The following METTL8 variants were observed in gnomAD, a reference collection of about 807,000 sequenced individuals.
METTL8 encodes the protein tRNA N(3)-cytidine methyltransferase METTL8, mitochondrial.
A neutral mutation model predicts 48.7 loss-of-function variants in METTL8; 32 were observed. The observed-to-expected ratio is 0.66, with a 90% CI of 0.50 to 0.88. The LOEUF (loss-of-function observed/expected upper bound fraction) is 0.88, where lower values mean the gene tolerates loss of function less well. Ranked by LOEUF, METTL8 falls within the 40% of genes least tolerant of loss-of-function variation. METTL8 has a pLI of 0.00. For missense variants in METTL8, 464 were observed against 474.4 expected, an observed-to-expected ratio of 0.98 and a Z score of 0.20; for synonymous variants, 136 against 157.1, an observed-to-expected ratio of 0.87 and a Z score of 1.01.
chr2:171,411,212 T>A (rs922668291), intron 1 of METTL8, among the ~76,000 whole-genome samples: 1 of 152,230 alleles, frequency 6.6e-6, no homozygotes, highest in Non-Finnish European at 1.5e-5. Context: ...TGTAAAAATA[T>A]AAATTCTCAC....
intron 5 of METTL8, among the ~76,000 whole-genome samples, chr2:171,336,516 C>T (rs951963366): frequency 6.6e-6 from 1 of 151,322 alleles, no homozygotes; most frequent in East Asian, 1.9e-4. Context: ...ATTCTCCTGC[C>T]TCAGCCTCCC....
chr2:171,340,364 T>C (rs911977354), intron 3 of METTL8, among the ~76,000 whole-genome samples: 1 of 151,278 alleles, frequency 6.6e-6, no homozygotes, highest in Non-Finnish European at 1.5e-5. Context: ...TAGCTGGGTG[T>C]GGTGGCAGAC....
Position 171,377,436 on chromosome 2 carries a change from C to T in METTL8, c.143+14607G>A, listed in dbSNP as rs1314668699. Among the ~76,000 whole-genome samples the T allele has an allele frequency of 2.0e-5, 3 of 152,228 alleles. No homozygotes were observed. In the East Asian group the frequency reaches 5.8e-4, roughly 29 times the overall value. ...TCTGCAAAGCAAAAGAAATAATCAG[C>T]AGAGTAAACAGACAACCCACAGAGT... On this transcript the variant is annotated intron_variant, in intron 2 of 9. Coordinates refer to ENST00000375258, the MANE Select transcript of METTL8 (RefSeq NM_001321154.2).
At chr2:171,350,912 T>C (rs1333398829) in intron 3 of METTL8, among the ~76,000 whole-genome samples, 1 of 152,210 alleles carries the variant, frequency 6.6e-6, no homozygotes, top group African/African-American at 2.4e-5. Context: ...ATTCTGTAGG[T>C]TGCCTGTTCA....
At chr2:171,341,753 ATATAACAGTGTC>A (rs1245441493) in intron 3 of METTL8, among the ~76,000 whole-genome samples, 1 of 152,090 alleles carries the variant, frequency 6.6e-6, no homozygotes, top group Non-Finnish European at 1.5e-5. Flanking sequence ...AAAGCAAGGT[ATATAACAGTGTC>A]TATATTCTGT....
intron 3 of METTL8, among the ~76,000 whole-genome samples, chr2:171,358,325 T>G (rs1170740530): frequency 1.4e-5 from 2 of 143,460 alleles, no homozygotes; most frequent in Non-Finnish European, 3.0e-5. Context: ...CACTCCAGCC[T>G]GGGCAACAGA....
At chr2:171,365,037 G>A (rs1685574520) in intron 2 of METTL8, among the ~76,000 whole-genome samples, 1 of 152,094 alleles carries the variant, frequency 6.6e-6, no homozygotes, top group Non-Finnish European at 1.5e-5. Context: ...ACAAAGTGTG[G>A]GGAAGAGAGT....
At chr2:171,342,172 T>G (rs1686844388) in intron 3 of METTL8, among the ~76,000 whole-genome samples, 1 of 152,244 alleles carries the variant, frequency 6.6e-6, no homozygotes, top group South Asian at 2.1e-4. Context: ...TTCTTTCCAA[T>G]TTTATCTTTA....
chr2:171,434,632 G>T (rs867160323), upstream of METTL8: 1 of 1,533,012 alleles, frequency 6.5e-7, no homozygotes, highest in South Asian at 1.2e-5. Flanking sequence ...CCGGGCGCTG[G>T]GCTGCTTCTC....
intron 5 of METTL8, among the ~76,000 whole-genome samples, chr2:171,336,524 C>T (rs1400484606): frequency 6.6e-6 from 1 of 151,616 alleles, no homozygotes; most frequent in African/African-American, 2.4e-5. Flanking sequence ...GCCTCAGCCT[C>T]CCGAGTAGCT....
intron 2 of METTL8, among the ~76,000 whole-genome samples, chr2:171,369,870 A>C (rs1686127152): frequency 1.3e-5 from 2 of 152,186 alleles, no homozygotes; most frequent in Non-Finnish European, 2.9e-5. Flanking sequence ...GTTCAAGACC[A>C]GTCTGACCAA....
intron 2 of METTL8, among the ~76,000 whole-genome samples, chr2:171,386,853 G>A (rs1242436544): frequency 6.6e-6 from 1 of 152,074 alleles, no homozygotes; most frequent in African/African-American, 2.4e-5. Flanking sequence ...GACCCCAGCA[G>A]GCAGACACAC....
chr2:171,375,379 A>C (rs1294766737), intron 2 of METTL8: 2 of 624,212 alleles, frequency 3.2e-6, no homozygotes, highest in Non-Finnish European at 5.7e-6. Flanking sequence ...CAAACAAATA[A>C]ACTGCCAAGT....
chr2:171,392,293 G>T, intron 1 of METTL8, 96 bp from the exon 2 acceptor site: 1 of 947,568 alleles, frequency 1.1e-6, no homozygotes, highest in Non-Finnish European at 1.5e-6. Context: ...TTCAATCTGA[G>T]AATGCACATG....
intron 1 of METTL8, among the ~76,000 whole-genome samples, chr2:171,421,608 T>G (rs186235733): frequency 2.4e-4 from 36 of 152,298 alleles, no homozygotes; most frequent in Admixed American, 9.8e-4. Context: ...AAGATCTAAC[T>G]AAATAAATGG....
intron 1 of METTL8, among the ~76,000 whole-genome samples, chr2:171,422,812 T>C (rs1574237727): frequency 6.6e-6 from 1 of 152,298 alleles, no homozygotes; most frequent in East Asian, 1.9e-4. Flanking sequence ...ACAATACAAA[T>C]GCAGGCAAGG....
chr2:171,398,915 G>A (rs921194158), intron 1 of METTL8, among the ~76,000 whole-genome samples: 2 of 152,170 alleles, frequency 1.3e-5, no homozygotes, highest in African/African-American at 4.8e-5. Context: ...GGAAATGGAT[G>A]AAGTATGAAG....
chr2:171,405,637 G>C (rs1690097448), intron 1 of METTL8, among the ~76,000 whole-genome samples: 1 of 152,140 alleles, frequency 6.6e-6, no homozygotes, highest in Admixed American at 6.5e-5. Context: ...AAAGATTCTT[G>C]AGTATCATTG....
chr2:171,403,198 T>C (rs1689815201), intron 1 of METTL8, among the ~76,000 whole-genome samples: 1 of 152,170 alleles, frequency 6.6e-6, no homozygotes, highest in African/African-American at 2.4e-5. Context: ...AAAATAACTC[T>C]GCAGCGGAGT....
Sources: allele counts gnomAD v4.1 joint callset (sites outside exome capture counted in the v4.1 genomes callset), GRCh38; gene constraint gnomAD v4.1.1; transcripts MANE v1.5; gene names NCBI Gene and HGNC (gene_info 2026-07-23, HGNC 2026-07-21).